KIF21B: variants seen among roughly 807,000 people sequenced by gnomAD.
The protein encoded by KIF21B is kinesin-like protein KIF21B.
A neutral mutation model predicts 192.9 loss-of-function variants in KIF21B; 85 were observed. That is an observed-to-expected ratio of 0.44 (90% CI 0.37 to 0.53). The LOEUF (loss-of-function observed/expected upper bound fraction) is 0.53, where lower values mean the gene tolerates loss of function less well. KIF21B is among the 20% of genes least tolerant of loss of function. The pLI is 0.00. For missense variants in KIF21B, 1,716 were observed against 2,194.8 expected, an observed-to-expected ratio of 0.78 and a Z score of 4.36; for synonymous variants, 832 against 884.6, an observed-to-expected ratio of 0.94 and a Z score of 1.05.
At chr1:201,014,909 T>C (rs1219462914) in intron 1 of KIF21B, among the ~76,000 whole-genome samples, 2 of 152,244 alleles carry the variant, frequency 1.3e-5, no homozygotes, top group African/African-American at 4.8e-5. Flanking sequence ...GTGCATGATC[T>C]GTGATTCCTG....
At position 200,999,894 on chromosome 1, in the gene KIF21B, C is replaced by T. The variant is rs1421729264; in HGVS notation, c.1756G>A (p.Glu586Lys). Residue 586 changes from glutamate to lysine, a missense_variant, in exon 12 of 35, where the codon GAG becomes AAG. Physicochemically the swap from Glu to Lys is moderately conservative, Grantham distance 56. Transcript: ENST00000461742. This position sits in a 1 kb window ranked among gnomAD's most constrained non-coding sequence, Gnocchi z 4.7. Reference sequence around the variant, plus strand: ...CCCGTGCTCCTCACCTCCTCCGCCTCGTTCTCATCCGTCTCCTCGCTGTTC... The same window carrying T: ...CCCGTGCTCCTCACCTCCTCCGCCTTGTTCTCATCCGTCTCCTCGCTGTTC... ...QENSEETDEN[E>K]AEEEEEERDE... 13 of 1,613,800 alleles carry T rather than the reference C, an allele frequency of 8.1e-6. No individual in the cohort carries two copies. Among genetic ancestry groups the T allele is most frequent in the African/African-American group, 1.3e-5 (1 of 75,042 alleles).
chr1:200,988,695 T>G (rs1571927489), intron 22 of KIF21B, 71 bp downstream of exon 22: 1 of 1,549,672 alleles, frequency 6.5e-7, no homozygotes. Flanking sequence ...AGTGAGGGCC[T>G]TGTGGGGGTC....
At chr1:200,987,263 C>G in intron 24 of KIF21B, 62 bp from the exon 25 acceptor site, 5 of 1,441,816 alleles carry the variant, frequency 3.5e-6, no homozygotes, top group Non-Finnish European at 4.7e-6. Context: ...AAAGGGGAGC[C>G]AGGGGAAATT....
At chr1:201,003,848 G>A in intron 7 of KIF21B, 67 bp from the exon 8 acceptor site, 1 of 1,523,520 alleles carries the variant, frequency 6.6e-7, no homozygotes, top group Non-Finnish European at 9.1e-7. Context: ...ATTGCCTCAG[G>A]GTAGAGGTCC....
intron 24 of KIF21B, 67 bp from the exon 25 acceptor site, chr1:200,987,268 G>A: frequency 1.4e-6 from 2 of 1,424,302 alleles, no homozygotes; most frequent in African/African-American, 1.4e-5. Flanking sequence ...GGAGCCAGGG[G>A]AAATTCTATT....
chr1:200,986,492 G>C (rs989535928), intron 26 of KIF21B, among the ~76,000 whole-genome samples: 3 of 151,930 alleles, frequency 2.0e-5, no homozygotes, highest in Non-Finnish European at 2.9e-5. Context: ...CGAGTAGCTG[G>C]GAATACAGGC....
chr1:201,023,211 C>G lies in KIF21B; in HGVS notation c.41+132G>C. 3 of 707,488 alleles carry G rather than the reference C, an allele frequency of 4.2e-6. No individual in the cohort carries two copies. The highest frequency in any genetic ancestry group is 3.5e-5 in the East Asian group (1 of 28,826). The allele number at this position is 707,488 out of a possible 1,614,324, so 43.8% of individuals were successfully genotyped here. On this transcript the variant is annotated intron_variant, in intron 1 of 34. Coordinates refer to ENST00000461742, the MANE Select transcript of KIF21B (RefSeq NM_001252102.2). This position sits in a 1 kb window ranked among gnomAD's most constrained non-coding sequence, Gnocchi z 5.9. ...GGCCAGCGCGCGGCGCCCTCCATCC[C>G]GTCCCACGCCGGCCCCTCCTCCGGG...
In KIF21B at chr1:201,000,793, G is replaced by C. The variant is rs6692427; in HGVS notation, c.1403-13C>G. 1 of 1,613,874 alleles carries C rather than the reference G, an allele frequency of 6.2e-7. No homozygotes were observed. The highest frequency in any genetic ancestry group is 8.5e-7 in the Non-Finnish European group (1 of 1,179,896). ...TCATTGCCATCGCCTGGAGTGGGAC[G>C]GCGGGAAGAAGGGTGCGATAAAGAA... On this transcript the variant is annotated splice_polypyrimidine_tract_variant and intron_variant, in intron 9 of 34. Coordinates refer to ENST00000461742, the MANE Select transcript of KIF21B (RefSeq NM_001252102.2). This position sits in a 1 kb window ranked among gnomAD's most constrained non-coding sequence, Gnocchi z 6.0.
chr1:201,020,925 T>C (rs752463099), intron 1 of KIF21B, among the ~76,000 whole-genome samples: 1 of 151,986 alleles, frequency 6.6e-6, no homozygotes, highest in Non-Finnish European at 1.5e-5. Flanking sequence ...CTCATGGAAA[T>C]TCAGAAGGCA....
At chr1:201,003,330 G>A (rs1657607442) in intron 8 of KIF21B, 1 of 553,042 alleles carries the variant, frequency 1.8e-6, no homozygotes, top group Non-Finnish European at 3.3e-6. Flanking sequence ...AAAAGCTGGG[G>A]AGCCCTTCTT....
chr1:201,016,886 C>A (rs1329921724), intron 1 of KIF21B, among the ~76,000 whole-genome samples: 1 of 152,140 alleles, frequency 6.6e-6, no homozygotes, highest in Admixed American at 6.5e-5. Flanking sequence ...GAGGCCTTGG[C>A]CGGCATGGTG....
At chr1:200,977,648 G>A (rs1042849919) in intron 30 of KIF21B, among the ~76,000 whole-genome samples, 6 of 151,716 alleles carry the variant, frequency 4.0e-5, no homozygotes, top group African/African-American at 7.3e-5. Flanking sequence ...GAGAGTGGGT[G>A]TGAACATGGA....
intron 26 of KIF21B, 115 bp downstream of exon 26, chr1:200,986,729 G>T: frequency 2.2e-6 from 2 of 915,740 alleles, no homozygotes; most frequent in Non-Finnish European, 3.4e-6. Flanking sequence ...CAGTCAAGCT[G>T]GCCCAGGTTA....
intron 1 of KIF21B, among the ~76,000 whole-genome samples, chr1:201,016,287 C>T (rs1469124337): frequency 6.6e-6 from 1 of 152,220 alleles, no homozygotes; most frequent in Non-Finnish European, 1.5e-5. Flanking sequence ...CGGACAGCTG[C>T]CAGCAGTGCC....
chr1:200,980,593 T>C (rs1472135432), intron 29 of KIF21B, among the ~76,000 whole-genome samples: 2 of 152,220 alleles, frequency 1.3e-5, no homozygotes, highest in Non-Finnish European at 2.9e-5. Flanking sequence ...TGTAATCAGG[T>C]GAGCGTGACT....
chr1:201,014,231 C>T (rs1571970914), intron 1 of KIF21B, among the ~76,000 whole-genome samples: 3 of 152,370 alleles, frequency 2.0e-5, no homozygotes, highest in South Asian at 2.1e-4. Flanking sequence ...GAAACGCGCA[C>T]GCGGAGGCCA....
chr1:200,973,666 T>A (rs1223737564), intron 34 of KIF21B, 88 bp from the exon 35 acceptor site: 1 of 1,508,248 alleles, frequency 6.6e-7, no homozygotes, highest in African/African-American at 1.4e-5. Context: ...ATGAACTGGA[T>A]TCCCCAAACT....
At chr1:200,988,990 T>A in intron 21 of KIF21B, 59 bp from the exon 22 acceptor site, 2 of 1,505,542 alleles carry the variant, frequency 1.3e-6, no homozygotes, top group Non-Finnish European at 1.8e-6. Flanking sequence ...GTCACCCATA[T>A]CACACAACCT....
intron 21 of KIF21B, 30 bp from the exon 22 acceptor site, chr1:200,988,961 C>G: frequency 6.3e-7 from 1 of 1,587,736 alleles, no homozygotes; most frequent in Non-Finnish European, 8.6e-7. Flanking sequence ...CCTGGAGTTA[C>G]CCCTCCTGGG....
Sources: gnomAD v4.1 joint callset for allele counts (sites outside exome capture counted in the v4.1 genomes callset) on GRCh38, gnomAD v4.1.1 for gene constraint, Gnocchi (gnomAD v3.1) non-coding constraint, MANE v1.5 for transcripts, NCBI Gene and HGNC (gene_info 2026-07-23, HGNC 2026-07-21) for gene names.